The following PKD1L1 variants were observed in gnomAD, a reference collection of about 807,000 sequenced individuals.
The protein encoded by PKD1L1 is polycystin-1-like protein 1.
In PKD1L1, 236 loss-of-function variants were observed where a neutral mutation model predicts 323.4. The ratio of observed to expected loss-of-function variants is 0.73; its 90% CI spans 0.66 to 0.81. The LOEUF (loss-of-function observed/expected upper bound fraction) is 0.81. PKD1L1 is among the 40% of genes least tolerant of loss of function. PKD1L1 has a pLI of 0.00. For synonymous variants in PKD1L1, 1,344 were observed against 1,335.0 expected, an observed-to-expected ratio of 1.01 and a Z score of -0.15; for missense variants, 3,320 against 3,508.0, an observed-to-expected ratio of 0.95 and a Z score of 1.35.
In PKD1L1 at chr7:47,814,023, A is replaced by G. The variant is rs1473900088; in HGVS notation, c.7090-9T>C. ...CCTCCAAGAGCTCCAGGCTGAAAGG[A>G]GAAAAAAGATGATGAGGACTGGGTG... On this transcript the variant is annotated splice_polypyrimidine_tract_variant and intron_variant, in intron 47 of 56. Transcript: ENST00000289672. 1 of 1,612,176 alleles carries G rather than the reference A, an allele frequency of 6.2e-7. No individual in the cohort carries two copies. Among genetic ancestry groups the G allele is most frequent in the African/African-American group, 1.3e-5 (1 of 74,928 alleles).
At position 47,929,347 on chromosome 7, in the gene PKD1L1, G is replaced by C; in HGVS notation, c.917C>G (p.Pro306Arg). 2 of 1,614,198 alleles carry C rather than the reference G, an allele frequency of 1.2e-6. No homozygotes were observed. Among genetic ancestry groups the C allele is most frequent in the Non-Finnish European group, 1.7e-6 (2 of 1,180,032 alleles). ...CSLEVEARAP[P>R]NLGFRVHMAS... is the part of the protein sequence containing the mutation. ...CATATGAACACGGAATCCCAGATTT[G>C]GAGGTGCCCGAGCTTCCACTTCCAG... is the stretch of plus-strand genomic sequence containing the variant. Residue 306 changes from proline to arginine, a missense_variant, in exon 7 of 57, where the codon CCA (proline) becomes CGA (arginine). By Grantham distance (103) the Pro-to-Arg change is moderately radical. Coordinates refer to ENST00000289672, the MANE Select transcript of PKD1L1 (RefSeq NM_138295.5).
Position 47,932,021 on chromosome 7 carries a change from G to A in PKD1L1, c.434C>T (p.Ala145Val), listed in dbSNP as rs368712957. 4 of 1,613,686 alleles carry A rather than the reference G, an allele frequency of 2.5e-6. No homozygotes were observed. Among genetic ancestry groups the A allele is most frequent in the Non-Finnish European group, 3.4e-6 (4 of 1,179,712 alleles). ...PHKPFIIIARAWSSGGPRFHH... is the reference protein window; with the variant it reads ...PHKPFIIIARVWSSGGPRFHH... ...GAACCTGGGGCCACCACTGCTCCAG[G>A]CCCTTGCGATTATAATGAAAGGTTT... Residue 145 changes from alanine (A) to valine (V), a missense_variant, in exon 5 of 57, where the codon GCC becomes GTC. Ala to Val is a moderately conservative substitution (Grantham distance 64). Transcript: ENST00000289672.
intron 34 of PKD1L1, among the ~76,000 whole-genome samples, chr7:47,841,720 A>T (rs1029561368): frequency 1.2e-4 from 19 of 152,256 alleles, no homozygotes; most frequent in African/African-American, 4.3e-4. Flanking sequence ...CATATCAGGG[A>T]TAGTTCCTTC....
chr7:47,863,688 G>A (rs568145790), intron 26 of PKD1L1, among the ~76,000 whole-genome samples: 14 of 152,186 alleles, frequency 9.2e-5, no homozygotes, highest in South Asian at 2.1e-4. Context: ...CAGGAGCAGC[G>A]GCAGTGTGGA....
chr7:47,778,593 T>G (rs1166916607), intron 56 of PKD1L1, among the ~76,000 whole-genome samples: 1 of 152,236 alleles, frequency 6.6e-6, no homozygotes, highest in Non-Finnish European at 1.5e-5. Flanking sequence ...TAAAGGTCTT[T>G]GACCTATGAT....
chr7:47,779,051 A>C (rs1259504192), intron 56 of PKD1L1, among the ~76,000 whole-genome samples: 1 of 152,132 alleles, frequency 6.6e-6, no homozygotes, highest in African/African-American at 2.4e-5. Flanking sequence ...CCTACCCTTC[A>C]CTCAAGTAAT....
At position 47,870,796 on chromosome 7, in the gene PKD1L1, C is replaced by T. The variant is rs192889153; in HGVS notation, c.3896+3103G>A. Among the ~76,000 whole-genome samples, 644 of 151,924 alleles carry T rather than the reference C, an allele frequency of 4.2e-3. 2 individuals are homozygous for T. Among genetic ancestry groups the T allele is most frequent in the African/African-American group, 0.015 (613 of 41,446 alleles). ...GGAGGATTGCTTGAGCCCAGGAGTT[C>T]GAGACCAGCCTGGGCAACATGATGA... is the stretch of plus-strand genomic sequence containing the variant. On this transcript the variant is annotated intron_variant, in intron 24 of 56. Transcript: ENST00000289672.
At chr7:47,890,860 C>G in intron 15 of PKD1L1, 97 bp from the exon 16 acceptor site, 1 of 995,134 alleles carries the variant, frequency 1.0e-6, no homozygotes, top group Non-Finnish European at 1.5e-6. Context: ...TGAGGGGGAC[C>G]ACAGGGGACA....
intron 46 of PKD1L1, chr7:47,818,213 T>C (rs199560023): frequency 1.5e-6 from 2 of 1,351,808 alleles, no homozygotes; most frequent in Non-Finnish European, 2.0e-6. Context: ...GATACATCTC[T>C]GCAAATATTC....
intron 49 of PKD1L1, 120 bp from the exon 50 acceptor site, chr7:47,812,171 A>G (rs1472644910): frequency 4.3e-5 from 34 of 783,500 alleles, no homozygotes; most frequent in Non-Finnish European, 6.0e-5. Context: ...GCAAGGACAC[A>G]CAGTGCCTGG....
At position 47,839,311 on chromosome 7, in the gene PKD1L1, G is replaced by T; in HGVS notation, c.5769+135C>A. 1 of 650,768 alleles carries T rather than the reference G, an allele frequency of 1.5e-6. No homozygotes were observed. The highest frequency in any genetic ancestry group is 2.6e-6 in the Non-Finnish European group (1 of 386,570). The allele number at this position is 650,768 out of a possible 1,614,324, so 40.3% of individuals were successfully genotyped here. ...GTATCATTTAATATTTTGATATCGT[G>T]GTAATTAACTAAGAAAAGAGGAATA... is the stretch of plus-strand genomic sequence containing the variant. On this transcript the variant is annotated intron_variant, in intron 36 of 56. Coordinates refer to ENST00000289672, the MANE Select transcript of PKD1L1 (RefSeq NM_138295.5). This position sits in a 1 kb window ranked among gnomAD's most constrained non-coding sequence, Gnocchi z 4.3.
At chr7:47,902,145 C>A (rs955442279) in intron 13 of PKD1L1, among the ~76,000 whole-genome samples, 1 of 152,204 alleles carries the variant, frequency 6.6e-6, no homozygotes, top group Non-Finnish European at 1.5e-5. Flanking sequence ...ACACACCAGA[C>A]CCCAGAAATG....
At position 47,876,134 on chromosome 7, in the gene PKD1L1, A is replaced by C. The variant is rs1239389695; in HGVS notation, c.3747T>G (p.Phe1249Leu). Residue 1249 changes from phenylalanine (F) to leucine (L), a missense_variant, in exon 23 of 57, where the codon TTT becomes TTG. Coordinates refer to ENST00000289672, the MANE Select transcript of PKD1L1 (RefSeq NM_138295.5). ...LYHGRDTQYY[F>L]VLPAGEHLDN... is the part of the protein sequence containing the mutation. ...CCAAGTGCTCACCAGCTGGCAACAC[A>C]AAATAATACTGGGTGTCTCTCCCAT... 13 of 1,614,144 alleles carry C rather than the reference A, an allele frequency of 8.1e-6. No individual in the cohort carries two copies. Among genetic ancestry groups the C allele is most frequent in the Admixed American group, 3.3e-5 (2 of 60,030 alleles).
intron 52 of PKD1L1, among the ~76,000 whole-genome samples, chr7:47,807,192 ATCT>A (rs1408302125): frequency 6.6e-6 from 1 of 151,900 alleles, no homozygotes; most frequent in African/African-American, 2.4e-5. Flanking sequence ...GAAAAGCCAA[ATCT>A]TCTGCTTGGG....
At chr7:47,959,957 A>T in the PKD1L1 span, among the ~76,000 whole-genome samples, 1 of 152,040 alleles carries the variant, frequency 6.6e-6, no homozygotes, top group Non-Finnish European at 1.5e-5. Context: ...GGATTGAGAA[A>T]TCGGATGGTT....
chr7:47,957,854 T>TAAA, the PKD1L1 span, among the ~76,000 whole-genome samples: 67 of 118,094 alleles, frequency 5.7e-4, 1 homozygote, highest in South Asian at 4.8e-3. Flanking sequence ...ACAATACAAT[T>TAAA]AAAAAAAAAT....
chr7:47,779,876 G>A (rs1321410292), intron 56 of PKD1L1, among the ~76,000 whole-genome samples: 3 of 152,148 alleles, frequency 2.0e-5, no homozygotes, highest in Non-Finnish European at 4.4e-5. Context: ...GGAGAAAGGA[G>A]GTGCCCAGAA....
intron 21 of PKD1L1, among the ~76,000 whole-genome samples, chr7:47,879,948 T>TAA (rs59804569): frequency 2.7e-5 from 3 of 109,434 alleles, no homozygotes; most frequent in Non-Finnish European, 1.8e-5. Flanking sequence ...AAATAAAAAA[T>TAA]AAAAAAAAAA....
chr7:47,952,147 C>T (rs1788213652), upstream of PKD1L1, among the ~76,000 whole-genome samples: 1 of 151,728 alleles, frequency 6.6e-6, no homozygotes, highest in Non-Finnish European at 1.5e-5. Flanking sequence ...CCATCACACT[C>T]ACGGAGACAA....
Sources: gnomAD v4.1 joint callset for allele counts (sites outside exome capture counted in the v4.1 genomes callset) on GRCh38, gnomAD v4.1.1 for gene constraint, Gnocchi (gnomAD v3.1) non-coding constraint, MANE v1.5 for transcripts, NCBI Gene and HGNC (gene_info 2026-07-23, HGNC 2026-07-21) for gene names.